The following CLOCK variants were observed in gnomAD, a reference collection of about 807,000 sequenced individuals.
CLOCK encodes the protein circadian locomoter output cycles protein kaput.
CLOCK carries 43 observed loss-of-function variants against 118.4 expected under a neutral mutation model. That is an observed-to-expected ratio of 0.36 (90% CI 0.28 to 0.47). The LOEUF (loss-of-function observed/expected upper bound fraction) is 0.47. CLOCK is among the 20% of genes least tolerant of loss of function. The pLI, the probability that CLOCK is intolerant of heterozygous loss-of-function variation, is 1.00. For missense variants in CLOCK, 846 were observed against 999.9 expected, an observed-to-expected ratio of 0.85 and a Z score of 2.08; for synonymous variants, 326 against 339.2, an observed-to-expected ratio of 0.96 and a Z score of 0.43.
intron 9 of CLOCK, among the ~76,000 whole-genome samples, chr4:55,461,100 C>A (rs1230883212): frequency 1.3e-5 from 2 of 151,948 alleles, no homozygotes; most frequent in African/African-American, 2.4e-5. Context: ...TTTTCTATTT[C>A]TCTTTATTGT....
chr4:55,479,225 A>ATT (rs1726746013), intron 5 of CLOCK, among the ~76,000 whole-genome samples: 1 of 152,152 alleles, frequency 6.6e-6, no homozygotes. Flanking sequence ...TTCAAATCAC[A>ATT]AGTTTTATTC....
intron 7 of CLOCK, among the ~76,000 whole-genome samples, chr4:55,474,036 A>T (rs758317413): frequency 2.5e-4 from 38 of 152,350 alleles, no homozygotes; most frequent in South Asian, 4.1e-4. Context: ...TCTGACTTTA[A>T]ATCAAAAGCT....
chr4:55,478,363 A>C (rs1726680092), intron 6 of CLOCK, among the ~76,000 whole-genome samples: 1 of 152,098 alleles, frequency 6.6e-6, no homozygotes, highest in African/African-American at 2.4e-5. Context: ...TTTCCAACAC[A>C]AACATGCTTC....
At chr4:55,486,701 A>G (rs928831528) in intron 3 of CLOCK, among the ~76,000 whole-genome samples, 13 of 152,184 alleles carry the variant, frequency 8.5e-5, no homozygotes, top group African/African-American at 2.7e-4. Context: ...ACTATCTTCT[A>G]GCTTCCAGTG....
At chr4:55,492,315 A>C (rs1727756012) in intron 2 of CLOCK, among the ~76,000 whole-genome samples, 1 of 151,456 alleles carries the variant, frequency 6.6e-6, no homozygotes, top group Non-Finnish European at 1.5e-5. Flanking sequence ...ATCTCAATTG[A>C]TGCAGAAAAA....
chr4:55,495,206 C>CT (rs1455112518), intron 2 of CLOCK, among the ~76,000 whole-genome samples: 1 of 152,158 alleles, frequency 6.6e-6, no homozygotes, highest in Non-Finnish European at 1.5e-5. Context: ...ACACTGACCC[C>CT]TTTTCTCTTC....
Position 55,434,892 on chromosome 4 carries a change from C to A in CLOCK, c.*523G>T. The stretch of plus-strand genomic sequence containing the variant: ...TCATCTGTACATAGAGAATTTGAAC[C>A]CACACAACATTCTGAAAGTAATTAC... On this transcript the variant is annotated 3_prime_UTR_variant, in exon 23 of 23. Transcript: ENST00000513440. 1 of 172,248 alleles carries A rather than the reference C, an allele frequency of 5.8e-6. No homozygotes were observed. Among genetic ancestry groups the A allele is most frequent in the South Asian group, 1.4e-4 (1 of 6,964 alleles). 10.7% of individuals were successfully genotyped at this position (172,248 alleles called of 1,614,324 possible).
chr4:55,478,544 T>C (rs1042920182), intron 6 of CLOCK, among the ~76,000 whole-genome samples: 2 of 152,188 alleles, frequency 1.3e-5, no homozygotes, highest in African/African-American at 4.8e-5. Flanking sequence ...ACTACTCACA[T>C]TTGTAATTAT....
intron 1 of CLOCK, among the ~76,000 whole-genome samples, chr4:55,542,325 CAG>C (rs201906445): frequency 1.4e-5 from 2 of 148,042 alleles, no homozygotes; most frequent in African/African-American, 2.5e-5. Flanking sequence ...GCCCGGGTGA[CAG>C]AGAGAGACTC....
chr4:55,491,534 ACAACT>A, intron 2 of CLOCK, among the ~76,000 whole-genome samples: 1 of 152,052 alleles, frequency 6.6e-6, no homozygotes, highest in East Asian at 1.9e-4. Flanking sequence ...TTTTTTTGAG[ACAACT>A]CAATAAATAT....
chr4:55,529,351 G>T (rs1730397357), intron 1 of CLOCK, among the ~76,000 whole-genome samples: 1 of 151,790 alleles, frequency 6.6e-6, no homozygotes, highest in African/African-American at 2.4e-5. Flanking sequence ...GTAGAGATGG[G>T]GTCTCATTAT....
intron 4 of CLOCK, among the ~76,000 whole-genome samples, chr4:55,481,722 C>T (rs1726946937): frequency 6.6e-6 from 1 of 152,138 alleles, no homozygotes; most frequent in African/African-American, 2.4e-5. Flanking sequence ...ATGGATGGAG[C>T]ACACCGAACA....
rs1729811916 is a variant in CLOCK, at chr4:55,520,930, T to C, written c.-289-10865A>G. 3.9e-5 allele frequency among the ~76,000 whole-genome samples: 6 copies of C among 152,212 alleles called. 1 individual carries two copies. In the South Asian group the frequency reaches 1.2e-3, roughly 31 times the overall value. On this transcript the variant is annotated intron_variant, in intron 1 of 22. Transcript: ENST00000513440. ...TCCCTATAACAACTCCTTTGTGAAC[T>C]CCAGATTTAGTCCCCAAGGTTCAGC...
intron 11 of CLOCK, among the ~76,000 whole-genome samples, chr4:55,456,881 T>C (rs1447332372): frequency 6.6e-6 from 1 of 152,122 alleles, no homozygotes. Flanking sequence ...GGGGGGTCTA[T>C]GTTGTCTAGG....
At chr4:55,470,508 T>C (rs1726058566) in intron 8 of CLOCK, among the ~76,000 whole-genome samples, 1 of 151,868 alleles carries the variant, frequency 6.6e-6, no homozygotes, top group Non-Finnish European at 1.5e-5. Flanking sequence ...TATTTAGTGA[T>C]GCATAACTAT....
chr4:55,439,691 T>C (rs983633050), intron 21 of CLOCK, among the ~76,000 whole-genome samples: 1 of 152,158 alleles, frequency 6.6e-6, no homozygotes, highest in Non-Finnish European at 1.5e-5. Context: ...GGAAAGAAAT[T>C]CTGACAATTG....
chr4:55,491,336 A>G (rs1299977706), intron 2 of CLOCK, among the ~76,000 whole-genome samples: 2 of 150,764 alleles, frequency 1.3e-5, no homozygotes, highest in Non-Finnish European at 3.0e-5. Flanking sequence ...GAGCAGAAGG[A>G]AGGAAATATG....
At chr4:55,533,865 T>A (rs1385927154) in intron 1 of CLOCK, among the ~76,000 whole-genome samples, 1 of 152,196 alleles carries the variant, frequency 6.6e-6, no homozygotes, top group Non-Finnish European at 1.5e-5. Flanking sequence ...ATCATGCCAC[T>A]ACACTCCAGC....
chr4:55,439,602 GAAGT>G (rs1723181073), intron 21 of CLOCK, among the ~76,000 whole-genome samples: 1 of 152,158 alleles, frequency 6.6e-6, no homozygotes, highest in Non-Finnish European at 1.5e-5. Flanking sequence ...CCAAAAAGTG[GAAGT>G]AACCCAAGAC....
Sources: gnomAD v4.1 joint callset for allele counts (sites outside exome capture counted in the v4.1 genomes callset) on GRCh38, gnomAD v4.1.1 for gene constraint, MANE v1.5 for transcripts, NCBI Gene and HGNC (gene_info 2026-07-23, HGNC 2026-07-21) for gene names.